The following CNTNAP2 variants were observed in gnomAD, a reference collection of about 807,000 sequenced individuals.
CNTNAP2 encodes the protein contactin-associated protein-like 2.
A neutral mutation model predicts 155.2 loss-of-function variants in CNTNAP2; 98 were observed. The observed-to-expected ratio is 0.63, with a 90% CI of 0.54 to 0.75. The LOEUF (loss-of-function observed/expected upper bound fraction) is 0.75. CNTNAP2 is among the 30% of genes least tolerant of loss of function. The pLI is 0.00. For synonymous variants in CNTNAP2, 651 were observed against 631.2 expected, an observed-to-expected ratio of 1.03 and a Z score of -0.47; for missense variants, 1,727 against 1,688.1, an observed-to-expected ratio of 1.02 and a Z score of -0.40.
intron 3 of CNTNAP2, among the ~76,000 whole-genome samples, chr7:146,887,527 A>C (rs551251117): frequency 6.6e-6 from 1 of 152,232 alleles, no homozygotes; most frequent in Non-Finnish European, 1.5e-5. Flanking sequence ...GACCTTCATT[A>C]TTAATAAGTA....
chr7:147,693,592 T>A (rs1216873506), intron 13 of CNTNAP2, among the ~76,000 whole-genome samples: 1 of 151,976 alleles, frequency 6.6e-6, no homozygotes, highest in African/African-American at 2.4e-5. Context: ...CGGGGGGCGC[T>A]GATATAAATA....
intron 1 of CNTNAP2, among the ~76,000 whole-genome samples, chr7:146,489,191 A>C (rs1384079656): frequency 6.6e-6 from 1 of 152,204 alleles, no homozygotes; most frequent in Non-Finnish European, 1.5e-5. Flanking sequence ...TGTACCCTAT[A>C]AATATGTACA....
intron 1 of CNTNAP2, among the ~76,000 whole-genome samples, chr7:146,751,541 C>A (rs1358041438): frequency 6.6e-6 from 1 of 152,064 alleles, no homozygotes; most frequent in African/African-American, 2.4e-5. Flanking sequence ...CATGGGTATA[C>A]ATTTATGTTT....
rs573258176 is a variant in CNTNAP2 at position 147,707,296 on chromosome 7, A to C, written c.2098+67990A>C. Among the ~76,000 whole-genome samples the C allele has an allele frequency of 6.8e-4, 104 of 152,322 alleles. 1 individual carries two copies. The highest frequency in any genetic ancestry group is 2.5e-3 in the African/African-American group (103 of 41,568). ...TAAGGAAGGACTCTGTTAAAGATGA[A>C]TCTGTGGTTTAGGTTGGGTAGGACA... On this transcript the variant is annotated intron_variant, in intron 13 of 23. Coordinates refer to ENST00000361727, the MANE Select transcript of CNTNAP2 (RefSeq NM_014141.6).
intron 3 of CNTNAP2, among the ~76,000 whole-genome samples, chr7:147,010,874 G>A (rs1215716081): frequency 2.6e-5 from 4 of 151,998 alleles, no homozygotes; most frequent in African/African-American, 4.8e-5. Context: ...TCTTCTAAAT[G>A]TACCTCCCCC....
intron 3 of CNTNAP2, among the ~76,000 whole-genome samples, chr7:147,043,334 A>G (rs1461084065): frequency 1.3e-5 from 2 of 152,200 alleles, no homozygotes; most frequent in African/African-American, 4.8e-5. Flanking sequence ...ATGGATAATT[A>G]TTCTTTTGAC....
At chr7:147,271,104 A>C (rs1259663215) in intron 8 of CNTNAP2, among the ~76,000 whole-genome samples, 1 of 152,162 alleles carries the variant, frequency 6.6e-6, no homozygotes, top group Non-Finnish European at 1.5e-5. Context: ...TTAAGTTTTT[A>C]AAACAGAAAT....
chr7:147,409,347 T>C (rs972365432), intron 10 of CNTNAP2, among the ~76,000 whole-genome samples: 2 of 152,214 alleles, frequency 1.3e-5, no homozygotes, highest in African/African-American at 4.8e-5. Flanking sequence ...TGGCTAGCCA[T>C]ATGCAGAAAA....
At chr7:148,068,326 G>T (rs192045316) in intron 15 of CNTNAP2, among the ~76,000 whole-genome samples, 1 of 152,262 alleles carries the variant, frequency 6.6e-6, no homozygotes, top group East Asian at 1.9e-4. Context: ...CGGCTTCCCT[G>T]GGCACCAGGA....
rs959627410 is a variant in CNTNAP2, at chr7:146,601,781, A to G, written c.98-172490A>G. On this transcript the variant is annotated intron_variant, in intron 1 of 23. Transcript: ENST00000361727. Reference sequence around the variant, plus strand: ...ACAAAACAGGAATATGTGCAAATACATAGGAAAAATTATTATACATAGGAA... The same window carrying G: ...ACAAAACAGGAATATGTGCAAATACGTAGGAAAAATTATTATACATAGGAA... Among the ~76,000 whole-genome samples, 3 of 152,234 alleles carry G rather than the reference A, an allele frequency of 2.0e-5. 1 individual carries two copies. The highest frequency in any genetic ancestry group is 6.8e-3 in the Middle Eastern group (2 of 294).
chr7:147,807,332 A>AC (rs903780233), intron 13 of CNTNAP2, among the ~76,000 whole-genome samples: 2 of 150,602 alleles, frequency 1.3e-5, no homozygotes, highest in African/African-American at 4.9e-5. Context: ...CAAAAAAAAA[A>AC]AAAAAAAAAA....
intron 13 of CNTNAP2, among the ~76,000 whole-genome samples, chr7:147,775,255 TTATAAATATATTTATATATATA>T (rs1797545637): frequency 8.9e-6 from 1 of 112,394 alleles, no homozygotes; most frequent in Admixed American, 1.3e-4. Context: ...ATATATATAT[TTATAAATATATTTATATATATA>T]TTTATAAATA....
chr7:148,116,101 T>C (rs1229534434), intron 15 of CNTNAP2, among the ~76,000 whole-genome samples: 1 of 149,606 alleles, frequency 6.7e-6, no homozygotes, highest in Non-Finnish European at 1.5e-5. Flanking sequence ...ATCGTGCCAC[T>C]GCACTCCATC....
intron 13 of CNTNAP2, among the ~76,000 whole-genome samples, chr7:147,835,933 C>T (rs1002083422): frequency 2.0e-5 from 3 of 152,150 alleles, no homozygotes; most frequent in Non-Finnish European, 4.4e-5. Context: ...CAAACCTCCT[C>T]CCCTGGAGCT....
chr7:148,116,436 C>T lies in CNTNAP2; in HGVS notation c.2384-1682C>T, dbSNP rs147155916. Among the ~76,000 whole-genome samples the T allele has an allele frequency of 1.8e-4, 27 of 152,220 alleles. No individual in the cohort carries two copies. The East Asian group carries it at 4.6e-3, about 26-fold the overall frequency. On this transcript the variant is annotated intron_variant, in intron 15 of 23. Transcript: ENST00000361727. Reference sequence around the variant, plus strand: ...AGACTTTCCACATTAACCAATCAAACGGTTTCTTTGTCTTGCATCCACAAA... The same window carrying T: ...AGACTTTCCACATTAACCAATCAAATGGTTTCTTTGTCTTGCATCCACAAA...
rs1800085543 is a variant in CNTNAP2 at position 148,420,369 on chromosome 7, A to G, written c.*4753A>G. On this transcript the variant is annotated 3_prime_UTR_variant, in exon 24 of 24. Coordinates refer to ENST00000361727, the MANE Select transcript of CNTNAP2 (RefSeq NM_014141.6). The stretch of plus-strand genomic sequence containing the variant: ...GGTAGTGCTGCAAACTTTAAAGTAC[A>G]TTTCTTTCACAGCAGTATTTTTTTT... 6.6e-6 allele frequency: 1 copy of G among 152,188 alleles called. No homozygotes were observed. The highest frequency in any genetic ancestry group is 2.4e-5 in the African/African-American group (1 of 41,440). The allele number at this position is 152,188 out of a possible 1,614,324, so 9.4% of individuals were successfully genotyped here.
At chr7:147,387,982 T>C (rs779768477) in intron 9 of CNTNAP2, among the ~76,000 whole-genome samples, 1 of 152,210 alleles carries the variant, frequency 6.6e-6, no homozygotes, top group Non-Finnish European at 1.5e-5. Flanking sequence ...CTGTTACATG[T>C]ATTACTTAGT....
intron 1 of CNTNAP2, among the ~76,000 whole-genome samples, chr7:146,246,559 A>G (rs13220936): frequency 0.11 from 16,351 of 149,280 alleles, 939 homozygotes; most frequent in Middle Eastern, 0.15. Flanking sequence ...AGAAGGGGAC[A>G]GACTTACCCT....
At chr7:147,061,142 T>A (rs566002166) in intron 4 of CNTNAP2, among the ~76,000 whole-genome samples, 3 of 152,186 alleles carry the variant, frequency 2.0e-5, no homozygotes, top group African/African-American at 7.2e-5. Context: ...AAATGTAGAA[T>A]TACTATTAAT....
Sources: allele counts gnomAD v4.1 joint callset (sites outside exome capture counted in the v4.1 genomes callset), GRCh38; gene constraint gnomAD v4.1.1; transcripts MANE v1.5; gene names NCBI Gene and HGNC (gene_info 2026-07-23, HGNC 2026-07-21).